The following ARID1B variants were observed in gnomAD, a reference collection of about 807,000 sequenced individuals.
ARID1B encodes the protein AT-rich interactive domain-containing protein 1B.
A neutral mutation model predicts 212.3 loss-of-function variants in ARID1B; 30 were observed. The ratio of observed to expected loss-of-function variants is 0.14; its 90% CI spans 0.11 to 0.19. The LOEUF (loss-of-function observed/expected upper bound fraction) is 0.19, where lower values mean the gene tolerates loss of function less well. Among genes scored for constraint, ARID1B ranks in the 10% least tolerant of loss-of-function variants. The pLI, the probability that ARID1B is intolerant of heterozygous loss-of-function variation, is 1.00. For missense variants in ARID1B, 2,891 were observed against 3,204.0 expected (o/e 0.90, Z 2.36); for synonymous variants, 1,402 against 1,301.7 (o/e 1.08, Z -1.66).
At chr6:157,136,413 G>T (rs1399593477) in intron 7 of ARID1B, among the ~76,000 whole-genome samples, 1 of 152,164 alleles carries the variant, frequency 6.6e-6, no homozygotes, top group Admixed American at 6.5e-5. Context: ...CTTACGAGGG[G>T]CCTCTCGCGT....
At chr6:156,928,362 G>T (rs1791410038) in intron 3 of ARID1B, among the ~76,000 whole-genome samples, 1 of 152,206 alleles carries the variant, frequency 6.6e-6, no homozygotes, top group Non-Finnish European at 1.5e-5. Flanking sequence ...TGTCAGACGT[G>T]CACAGATTGT....
chr6:157,179,102 C>CTT (rs1383925530), intron 11 of ARID1B, among the ~76,000 whole-genome samples: 2 of 152,148 alleles, frequency 1.3e-5, no homozygotes, highest in Non-Finnish European at 2.9e-5. Context: ...ATTATAATGC[C>CTT]TTTTTCTTCA....
chr6:157,024,640 C>G (rs1780540913), intron 4 of ARID1B: 1 of 152,430 alleles, frequency 6.6e-6, no homozygotes, highest in Admixed American at 6.5e-5. Context: ...GATCTGGTGG[C>G]ACACACCTGT....
At chr6:156,815,041 G>A (rs557753638) in intron 1 of ARID1B, among the ~76,000 whole-genome samples, 4 of 152,268 alleles carry the variant, frequency 2.6e-5, no homozygotes, top group South Asian at 2.1e-4. Context: ...GAAAGACTGC[G>A]TGCTTACGTG....
chr6:157,052,672 A>G (rs1412864605), intron 4 of ARID1B, among the ~76,000 whole-genome samples: 1 of 152,352 alleles, frequency 6.6e-6, no homozygotes, highest in Middle Eastern at 3.4e-3. Context: ...CAAAGATTGG[A>G]CAAACATAGC....
At chr6:157,010,792 C>T (rs1305303648) in intron 4 of ARID1B, among the ~76,000 whole-genome samples, 7 of 152,156 alleles carry the variant, frequency 4.6e-5, no homozygotes, top group African/African-American at 7.2e-5. Flanking sequence ...TAATCCTTCA[C>T]GATAAGAAAG....
At position 156,955,782 on chromosome 6, in the gene ARID1B, C is replaced by T. The variant is rs1360207966; in HGVS notation, c.2247+20206C>T. ...GTCATGGGGTCCAAGGCAGAAGATA[C>T]TCGCCCTGGACTTGGGATCTTAGAA... On this transcript the variant is annotated intron_variant, in intron 4 of 19. Transcript: ENST00000636930. This position sits in a 1 kb window ranked among gnomAD's most constrained non-coding sequence, Gnocchi z 4.2. Among the ~76,000 whole-genome samples the T allele has an allele frequency of 2.6e-5, 4 of 152,140 alleles. No individual in the cohort carries two copies. The highest frequency in any genetic ancestry group is 9.7e-5 in the African/African-American group (4 of 41,406).
chr6:156,859,580 A>G lies in ARID1B; in HGVS notation c.1986+30159A>G, dbSNP rs188282865. 1.8e-4 allele frequency among the ~76,000 whole-genome samples: 27 copies of G among 152,318 alleles called. No homozygotes were observed. The East Asian group carries it at 5.2e-3, about 29-fold the overall frequency. ...AGGTGTGCTGTAGTGCACCTGTGTA[A>G]AGGAAACTTAAAGTTGAATTATTTT... On this transcript the variant is annotated intron_variant, in intron 2 of 19. Transcript: ENST00000636930.
intron 12 of ARID1B, among the ~76,000 whole-genome samples, chr6:157,183,888 G>A (rs1439738620): frequency 6.6e-6 from 1 of 152,190 alleles, no homozygotes; most frequent in Non-Finnish European, 1.5e-5. Flanking sequence ...TCACATCAGT[G>A]CCCAAAAACC....
At chr6:156,829,082 C>A (rs1782958771) in intron 1 of ARID1B, 145 bp from the exon 2 acceptor site, 4 of 634,426 alleles carry the variant, frequency 6.3e-6, no homozygotes, top group Non-Finnish European at 1.0e-5. Context: ...TAATGTCTTG[C>A]TGGATGTTTT....
Position 157,047,874 on chromosome 6 carries a change from T to C in ARID1B, c.2248-36788T>C, listed in dbSNP as rs373135549. On this transcript the variant is annotated intron_variant, in intron 4 of 19. Coordinates refer to ENST00000636930, the MANE Select transcript of ARID1B (RefSeq NM_001374828.1). ...CACCTGTTCATTTGGGACATGCACA[T>C]GTAATTAGAGGCGTGTTTCAGGACT... is the stretch of plus-strand genomic sequence containing the variant. 5.3e-5 allele frequency among the ~76,000 whole-genome samples: 8 copies of C among 152,368 alleles called. No homozygotes were observed. The East Asian group carries it at 1.5e-3, about 29-fold the overall frequency.
intron 5 of ARID1B, among the ~76,000 whole-genome samples, chr6:157,093,885 C>T (rs1785441372): frequency 6.6e-6 from 1 of 152,194 alleles, no homozygotes. Flanking sequence ...TTCAGCAAAG[C>T]ACTGAGTGTG....
At chr6:157,156,405 T>A (rs1253860053) in intron 8 of ARID1B, among the ~76,000 whole-genome samples, 1 of 152,268 alleles carries the variant, frequency 6.6e-6, no homozygotes, top group Non-Finnish European at 1.5e-5. Context: ...TTTGAATGAA[T>A]GTTATTATGT....
Position 156,869,215 on chromosome 6 carries a change from T to A in ARID1B, c.1987-32161T>A, listed in dbSNP as rs117729079. On this transcript the variant is annotated intron_variant, in intron 2 of 19. Coordinates refer to ENST00000636930, the MANE Select transcript of ARID1B (RefSeq NM_001374828.1). ...GTCAGAAGAGGCCAAATTTTCAGATTTAATACTTTTAGCTGTTTTTTCTAA... is the reference window on the plus strand; with the variant it reads ...GTCAGAAGAGGCCAAATTTTCAGATATAATACTTTTAGCTGTTTTTTCTAA... 8.0e-4 allele frequency among the ~76,000 whole-genome samples: 122 copies of A among 152,320 alleles called. 2 individuals carry two copies. The East Asian group carries it at 0.011, about 14-fold the overall frequency.
intron 2 of ARID1B, among the ~76,000 whole-genome samples, chr6:156,896,613 G>A (rs112354980): frequency 0.013 from 1,952 of 147,172 alleles, 52 homozygotes; most frequent in African/African-American, 0.047. Context: ...GGACACAGTG[G>A]CTCACGCCTG....
chr6:157,184,448 G>A lies in ARID1B; in HGVS notation c.3919+13G>A, dbSNP rs1164091056. 1 of 1,613,676 alleles carries A rather than the reference G, an allele frequency of 6.2e-7. No individual in the cohort carries two copies. Among genetic ancestry groups the A allele is most frequent in the Non-Finnish European group, 8.5e-7 (1 of 1,179,918 alleles). Reference sequence around the variant, plus strand: ...CCGCCATCTCCTGGTAAGTGGCGGCGCTGCAGTCACTGGCCCAGGAAAGCC... The same window carrying A: ...CCGCCATCTCCTGGTAAGTGGCGGCACTGCAGTCACTGGCCCAGGAAAGCC... On this transcript the variant is annotated intron_variant, in intron 13 of 19. Coordinates refer to ENST00000636930, the MANE Select transcript of ARID1B (RefSeq NM_001374828.1).
intron 4 of ARID1B, among the ~76,000 whole-genome samples, chr6:157,004,916 T>TTTTTTTTTTTTTTTTG (rs1779147817): frequency 8.6e-6 from 1 of 116,468 alleles, no homozygotes; most frequent in Non-Finnish European, 1.7e-5. Flanking sequence ...TTTTTTTTTT[T>TTTTTTTTTTTTTTTTG]TTTTTTTTTT....
At position 157,189,633 on chromosome 6, in the gene ARID1B, T is replaced by C. The variant is rs1356773660; in HGVS notation, c.3920-9T>C. On this transcript the variant is annotated splice_polypyrimidine_tract_variant and intron_variant, in intron 13 of 19. Coordinates refer to ENST00000636930, the MANE Select transcript of ARID1B (RefSeq NM_001374828.1). ...TTCTTCCTGTTTCTCTTGGTGCTGC[T>C]ACTATCAGCTAACTCGGGATCCTTG... The C allele has an allele frequency of 1.9e-6, 3 of 1,597,744 alleles. No individual in the cohort carries two copies. The highest frequency in any genetic ancestry group is 2.6e-6 in the Non-Finnish European group (3 of 1,176,336).
chr6:156,977,744 A>G lies in ARID1B; in HGVS notation c.2247+42168A>G, dbSNP rs529734945. Among the ~76,000 whole-genome samples the G allele has an allele frequency of 5.9e-5, 9 of 152,220 alleles. No homozygotes were observed. In the South Asian group the frequency reaches 8.3e-4, roughly 14 times the overall value. ...TCTGGTAATTTTTATTGTGTGCCAG[A>G]CATTGTGAATTTTACCTTGTTGATG... is the stretch of plus-strand genomic sequence containing the variant. On this transcript the variant is annotated intron_variant, in intron 4 of 19. Coordinates refer to ENST00000636930, the MANE Select transcript of ARID1B (RefSeq NM_001374828.1).
Sources: gnomAD v4.1 joint callset for allele counts (sites outside exome capture counted in the v4.1 genomes callset) on GRCh38, gnomAD v4.1.1 for gene constraint, Gnocchi (gnomAD v3.1) non-coding constraint, MANE v1.5 for transcripts, NCBI Gene and HGNC (gene_info 2026-07-23, HGNC 2026-07-21) for gene names.